The following RASAL2 variants were observed in gnomAD, a reference collection of about 807,000 sequenced individuals.
RASAL2 encodes RAS protein activator like 2.
RASAL2 carries 58 observed loss-of-function variants against 128.9 expected under a neutral mutation model. The observed-to-expected ratio is 0.45, with a 90% CI of 0.36 to 0.56. The LOEUF (loss-of-function observed/expected upper bound fraction) is 0.56. Among genes scored for constraint, RASAL2 ranks in the 20% least tolerant of loss-of-function variants. The pLI is 0.00. For synonymous variants in RASAL2, 561 were observed against 580.8 expected (o/e 0.97, Z 0.49); for missense variants, 1,360 against 1,601.6 (o/e 0.85, Z 2.57).
At chr1:178,385,035 A>T (rs1485933320) in intron 3 of RASAL2, among the ~76,000 whole-genome samples, 3 of 152,330 alleles carry the variant, frequency 2.0e-5, no homozygotes, top group Non-Finnish European at 2.9e-5. Context: ...CTCATTTAAG[A>T]TATTTTCGGA....
At chr1:178,280,198 A>G (rs1407834276) in intron 1 of RASAL2, among the ~76,000 whole-genome samples, 2 of 152,278 alleles carry the variant, frequency 1.3e-5, no homozygotes, top group Middle Eastern at 6.8e-3. Context: ...TTCCTTTTCC[A>G]ACTACATATT....
At chr1:178,353,117 C>T (rs1406046297) in intron 3 of RASAL2, among the ~76,000 whole-genome samples, 2 of 152,240 alleles carry the variant, frequency 1.3e-5, no homozygotes, top group Non-Finnish European at 2.9e-5. Flanking sequence ...ATTTCTGCAA[C>T]CTGCTTGAAT....
chr1:178,383,491 C>T (rs1257170997), intron 3 of RASAL2, among the ~76,000 whole-genome samples: 2 of 152,214 alleles, frequency 1.3e-5, no homozygotes, highest in Non-Finnish European at 2.9e-5. Context: ...GCTCTTGTCA[C>T]TTTTTCTTTA....
At chr1:178,435,541 A>G (rs1433525322) in intron 5 of RASAL2, among the ~76,000 whole-genome samples, 1 of 152,128 alleles carries the variant, frequency 6.6e-6, no homozygotes, top group Non-Finnish European at 1.5e-5. Context: ...TCACCTGGCT[A>G]GTAGTTTATT....
At chr1:178,131,461 ACCT>A (rs1420873121) in intron 1 of RASAL2, among the ~76,000 whole-genome samples, 1 of 143,450 alleles carries the variant, frequency 7.0e-6, no homozygotes, top group Non-Finnish European at 1.5e-5. Context: ...TCTCAAGCAG[ACCT>A]CCTGCCTTGG....
At chr1:178,243,263 C>A (rs59362296) in intron 1 of RASAL2, among the ~76,000 whole-genome samples, 7,297 of 152,146 alleles carry the variant, frequency 0.048, 246 homozygotes, top group African/African-American at 0.098. Flanking sequence ...CCTACCGATC[C>A]CTGCTGGTGC....
At position 178,290,837 on chromosome 1, in the gene RASAL2, G is replaced by A. The variant is rs559020694; in HGVS notation, c.330+7146G>A. On this transcript the variant is annotated intron_variant, in intron 2 of 17. Coordinates refer to ENST00000367649, the MANE Select transcript of RASAL2 (RefSeq NM_170692.4). ...ACTACAGGCGCCCACCACCACGCAC[G>A]GCTAATTTTTTTGTATTTTTAGTAG... is the stretch of plus-strand genomic sequence containing the variant. 7.3e-5 allele frequency among the ~76,000 whole-genome samples: 11 copies of A among 151,570 alleles called. No individual in the cohort carries two copies. The South Asian group carries it at 1.7e-3, about 23-fold the overall frequency.
chr1:178,328,879 A>G (rs1669161493), intron 3 of RASAL2, among the ~76,000 whole-genome samples: 2 of 152,178 alleles, frequency 1.3e-5, no homozygotes, highest in African/African-American at 4.8e-5. Flanking sequence ...TGACTTATAA[A>G]TACTAACAGG....
chr1:178,117,729 T>G (rs911100544), intron 1 of RASAL2, among the ~76,000 whole-genome samples: 2 of 152,218 alleles, frequency 1.3e-5, no homozygotes, highest in Non-Finnish European at 2.9e-5. Flanking sequence ...AAAGTGAACC[T>G]TCACCAGACA....
intron 1 of RASAL2, among the ~76,000 whole-genome samples, chr1:178,121,547 G>T (rs753239484): frequency 6.6e-6 from 1 of 151,640 alleles, no homozygotes; most frequent in Non-Finnish European, 1.5e-5. Context: ...GTGCAGTGGC[G>T]TGATCTTGGC....
chr1:178,216,923 A>G (rs1318047150), intron 1 of RASAL2, among the ~76,000 whole-genome samples: 4 of 152,198 alleles, frequency 2.6e-5, no homozygotes, highest in Non-Finnish European at 5.9e-5. Context: ...ACCATGAAGC[A>G]GCAAGTAAGA....
At position 178,465,824 on chromosome 1, in the gene RASAL2, G is replaced by C. The variant is rs192909581; in HGVS notation, c.3388-96G>C. On this transcript the variant is annotated intron_variant, in intron 15 of 17. Coordinates refer to ENST00000367649, the MANE Select transcript of RASAL2 (RefSeq NM_170692.4). Reference sequence around the variant, plus strand: ...TGTTAAAAAAAAGAAAAAAGAAAAAGAAAAAAAGAAAGAAAGAGAAAGAAA... The same window carrying C: ...TGTTAAAAAAAAGAAAAAAGAAAAACAAAAAAAGAAAGAAAGAGAAAGAAA... 1,078 of 1,150,876 alleles carry C rather than the reference G, an allele frequency of 9.4e-4. 21 individuals carry two copies. In the African/African-American group the frequency reaches 0.017, roughly 18 times the overall value. 71.3% of individuals were successfully genotyped at this position (1,150,876 alleles called of 1,614,324 possible). A position where few individuals can be genotyped will look rare whatever the true frequency, so the allele number is the denominator to read the frequency against.
chr1:178,125,112 T>A (rs899681282), intron 1 of RASAL2, among the ~76,000 whole-genome samples: 11 of 152,202 alleles, frequency 7.2e-5, no homozygotes, highest in African/African-American at 2.7e-4. Context: ...TTAAGGAAGT[T>A]CTGGTCACTT....
chr1:178,467,521 T>C, intron 17 of RASAL2, 100 bp downstream of exon 17: 2 of 963,534 alleles, frequency 2.1e-6, no homozygotes, highest in South Asian at 1.4e-5. Flanking sequence ...CCCAAAAATG[T>C]GTCATTGAAA....
intron 1 of RASAL2, among the ~76,000 whole-genome samples, chr1:178,200,369 T>G (rs1285014169): frequency 6.6e-6 from 1 of 152,210 alleles, no homozygotes; most frequent in Admixed American, 6.5e-5. Flanking sequence ...CGTTTGACAT[T>G]CCTGATGCGC....
At chr1:178,291,901 G>T (rs954703985) in intron 2 of RASAL2, among the ~76,000 whole-genome samples, 1 of 152,020 alleles carries the variant, frequency 6.6e-6, no homozygotes, top group Non-Finnish European at 1.5e-5. Flanking sequence ...TGGACATGGT[G>T]TCGGGTGCCT....
chr1:178,236,447 A>G (rs1664244523), intron 1 of RASAL2, among the ~76,000 whole-genome samples: 2 of 152,184 alleles, frequency 1.3e-5, no homozygotes, highest in Non-Finnish European at 2.9e-5. Flanking sequence ...TAGAATGTCT[A>G]ATAATCACCC....
Position 178,390,208 on chromosome 1 carries a change from T to A in RASAL2, c.564+2T>A, listed in dbSNP as rs1441364865. On this transcript the variant is annotated splice_donor_variant, in intron 4 of 17. Transcript: ENST00000367649. LOFTEE classifies it high-confidence loss of function. ...AATACCTCACCCTTCAAAGTACCAG[T>A]AAGTGTTTATCTTCTTTATAAGAAT... 1.3e-6 allele frequency: 2 copies of A among 1,588,722 alleles called. No homozygotes were observed. Among genetic ancestry groups the A allele is most frequent in the East Asian group, 2.2e-5 (1 of 44,628 alleles).
intron 7 of RASAL2, among the ~76,000 whole-genome samples, chr1:178,441,905 T>C (rs1676680235): frequency 6.6e-6 from 1 of 152,122 alleles, no homozygotes; most frequent in Non-Finnish European, 1.5e-5. Flanking sequence ...TGTTATCTGC[T>C]CAGCCTCTAG....
Sources: allele counts gnomAD v4.1 joint callset (sites outside exome capture counted in the v4.1 genomes callset), GRCh38; gene constraint gnomAD v4.1.1; transcripts MANE v1.5; gene names NCBI Gene and HGNC (gene_info 2026-07-23, HGNC 2026-07-21).